The following IGSF11 variants were observed in gnomAD, a reference collection of about 807,000 sequenced individuals.
The protein encoded by IGSF11 is immunoglobulin superfamily member 11.
Under a neutral mutation model 41.0 loss-of-function variants are expected in IGSF11, and 22 were observed. That is an observed-to-expected ratio of 0.54 (90% CI 0.38 to 0.77). The LOEUF (loss-of-function observed/expected upper bound fraction) is 0.77. Among genes scored for constraint, IGSF11 ranks in the 30% least tolerant of loss-of-function variants. The pLI is 0.00. For synonymous variants in IGSF11, 219 were observed against 201.3 expected (o/e 1.09, Z -0.74); for missense variants, 444 against 530.8 (o/e 0.84, Z 1.61).
At chr3:119,004,758 T>C (rs551474291) in intron 1 of IGSF11, among the ~76,000 whole-genome samples, 1 of 150,226 alleles carries the variant, frequency 6.7e-6, no homozygotes. Context: ...TCAGTTTCCA[T>C]GTAGTTGAGC....
intron 1 of IGSF11, 106 bp from the exon 2 acceptor site, chr3:118,930,381 G>A (rs889334749): frequency 4.6e-6 from 5 of 1,091,454 alleles, no homozygotes; most frequent in East Asian, 2.6e-5. Flanking sequence ...TATTGATTAT[G>A]TGAACAGACT....
At chr3:119,069,358 T>A (rs1215784903) in intron 1 of IGSF11, among the ~76,000 whole-genome samples, 1 of 152,030 alleles carries the variant, frequency 6.6e-6, no homozygotes, top group Non-Finnish European at 1.5e-5. Flanking sequence ...ATTAATTGAG[T>A]CAACATTAAG....
chr3:118,930,926 G>C (rs529631024), intron 1 of IGSF11, among the ~76,000 whole-genome samples: 2 of 152,218 alleles, frequency 1.3e-5, no homozygotes, highest in African/African-American at 4.8e-5. Context: ...AAAGAATACT[G>C]AAAAATAAGA....
In IGSF11 at chr3:118,926,726, C is replaced by G. The variant is rs572116791; in HGVS notation, c.425-470G>C. Among the ~76,000 whole-genome samples the G allele has an allele frequency of 1.4e-4, 22 of 152,240 alleles. 1 individual carries two copies. The South Asian group carries it at 4.6e-3, about 32-fold the overall frequency. On this transcript the variant is annotated intron_variant, in intron 3 of 6. Coordinates refer to ENST00000393775, the MANE Select transcript of IGSF11 (RefSeq NM_001015887.3). ...AAAACTGGGCAGACCCACTTTATAC[C>G]AAATTCTGCTTTATGGTGGAGAAAG...
chr3:118,969,466 G>A (rs956203573), intron 1 of IGSF11, among the ~76,000 whole-genome samples: 1 of 152,110 alleles, frequency 6.6e-6, no homozygotes, highest in Non-Finnish European at 1.5e-5. Flanking sequence ...GGAAAACAGC[G>A]GGAACAATGA....
At chr3:118,985,565 T>C (rs144033338) in intron 1 of IGSF11, among the ~76,000 whole-genome samples, 142 of 152,316 alleles carry the variant, frequency 9.3e-4, no homozygotes, top group African/African-American at 2.8e-3. Context: ...CAAATTCAAT[T>C]TGTCTGAAAC....
upstream of IGSF11, among the ~76,000 whole-genome samples, chr3:119,035,941 G>A (rs748844271): frequency 3.8e-4 from 58 of 152,072 alleles, no homozygotes; most frequent in Non-Finnish European, 4.3e-4. Flanking sequence ...GGGAAACTCA[G>A]AAACAAAAAT....
chr3:119,023,105 T>C (rs1559805377), intron 1 of IGSF11, among the ~76,000 whole-genome samples: 1 of 151,806 alleles, frequency 6.6e-6, no homozygotes, highest in Non-Finnish European at 1.5e-5. Context: ...CTACTAAAAA[T>C]ACATAAATCA....
At chr3:119,062,691 T>C (rs1942091802) in intron 1 of IGSF11, among the ~76,000 whole-genome samples, 1 of 152,208 alleles carries the variant, frequency 6.6e-6, no homozygotes, top group Admixed American at 6.5e-5. Context: ...AGCTTAGCTA[T>C]TGATGGAAAT....
chr3:119,005,273 C>G (rs1477604850), intron 1 of IGSF11, among the ~76,000 whole-genome samples: 6 of 146,330 alleles, frequency 4.1e-5, no homozygotes, highest in South Asian at 2.2e-4. Context: ...TTATCAGAGA[C>G]TAGGATTGCA....
intron 1 of IGSF11, among the ~76,000 whole-genome samples, chr3:119,044,015 C>A (rs1251478376): frequency 6.6e-6 from 1 of 152,100 alleles, no homozygotes; most frequent in Admixed American, 6.5e-5. Flanking sequence ...TATTAACACC[C>A]CCAAAAGATC....
chr3:118,986,243 G>T (rs901911806), intron 1 of IGSF11, among the ~76,000 whole-genome samples: 1 of 151,984 alleles, frequency 6.6e-6, no homozygotes, highest in African/African-American at 2.4e-5. Context: ...TCTACCTTAC[G>T]TGCAGAGGAA....
In IGSF11 at chr3:119,069,013, G is replaced by T. The variant is rs182913464; in HGVS notation, c.49+36131C>A. Among the ~76,000 whole-genome samples the T allele has an allele frequency of 2.8e-3, 402 of 141,992 alleles. 4 individuals are homozygous for T. Among genetic ancestry groups the T allele is most frequent in the Non-Finnish European group, 4.0e-3 (267 of 66,604 alleles). The allele number at this position is 141,992 out of a possible 152,430, so 93.2% of individuals were successfully genotyped here. ...GCAATCTCAGCTCACTGCAAGCTCC[G>T]CCTACCAGGTTCATGCCATTCTCCT... On this transcript the variant is annotated intron_variant, in intron 1 of 6. Transcript: ENST00000354673.
rs1047291573 is a variant in IGSF11, at chr3:119,026,760, A to G, written c.52+7771T>C. On this transcript the variant is annotated intron_variant, in intron 1 of 6. Coordinates refer to ENST00000393775, the MANE Select transcript of IGSF11 (RefSeq NM_001015887.3). ...TGAAGCAAAATGGTCATCCCAAAGT[A>G]AGGCATTGGTGCAATTATTTGAGCT... 3.3e-5 allele frequency among the ~76,000 whole-genome samples: 5 copies of G among 152,328 alleles called. 1 individual carries two copies. Among genetic ancestry groups the G allele is most frequent in the East Asian group, 1.9e-4 (1 of 5,184 alleles).
chr3:119,027,831 T>C (rs1939969165), intron 1 of IGSF11, among the ~76,000 whole-genome samples: 1 of 152,186 alleles, frequency 6.6e-6, no homozygotes, highest in Non-Finnish European at 1.5e-5. Flanking sequence ...AGGCTATCTA[T>C]ATTTACACAT....
intron 1 of IGSF11, among the ~76,000 whole-genome samples, chr3:119,024,472 A>G (rs753728198): frequency 4.6e-5 from 7 of 152,224 alleles, no homozygotes; most frequent in East Asian, 1.9e-4. Context: ...AGTTTTGTCA[A>G]TGTAACTAAT....
At chr3:118,911,344 G>A (rs1189000297) in intron 4 of IGSF11, among the ~76,000 whole-genome samples, 1 of 152,042 alleles carries the variant, frequency 6.6e-6, no homozygotes, top group East Asian at 1.9e-4. Flanking sequence ...ACTTTTAGTG[G>A]GTGAAAATTT....
intron 3 of IGSF11, among the ~76,000 whole-genome samples, chr3:118,928,288 A>G (rs1024702721): frequency 2.0e-5 from 3 of 152,222 alleles, no homozygotes; most frequent in Non-Finnish European, 4.4e-5. Context: ...CTTCAGAAGA[A>G]AGTCATTAAA....
intron 1 of IGSF11, among the ~76,000 whole-genome samples, chr3:119,043,469 A>G (rs112351253): frequency 4.1e-4 from 63 of 152,262 alleles, no homozygotes; most frequent in African/African-American, 1.4e-3. Flanking sequence ...CCAGCTAGTC[A>G]TGTCTCTCAC....
Sources: allele counts gnomAD v4.1 joint callset (sites outside exome capture counted in the v4.1 genomes callset), GRCh38; gene constraint gnomAD v4.1.1; transcripts MANE v1.5; gene names NCBI Gene and HGNC (gene_info 2026-07-23, HGNC 2026-07-21).